NAA25: variants seen among roughly 807,000 people sequenced by gnomAD.
The protein encoded by NAA25 is N-alpha-acetyltransferase 25, NatB auxiliary subunit.
A neutral mutation model predicts 132.5 loss-of-function variants in NAA25; 30 were observed. The observed-to-expected ratio is 0.23, with a 90% CI of 0.17 to 0.31. The LOEUF (loss-of-function observed/expected upper bound fraction) is 0.31. Among genes scored for constraint, NAA25 ranks in the 10% least tolerant of loss-of-function variants. NAA25 has a pLI of 1.00. For missense variants in NAA25, 771 were observed against 1,150.4 expected, an observed-to-expected ratio of 0.67 and a Z score of 4.77; for synonymous variants, 359 against 401.9, an observed-to-expected ratio of 0.89 and a Z score of 1.28.
intron 19 of NAA25, 126 bp downstream of exon 19, chr12:112,042,962 C>CA: frequency 1.2e-6 from 1 of 845,798 alleles, no homozygotes. Flanking sequence ...CTACACCACA[C>CA]ATTTGCAGAA....
At chr12:112,073,863 A>C (rs549265403) in intron 9 of NAA25, among the ~76,000 whole-genome samples, 12 of 152,322 alleles carry the variant, frequency 7.9e-5, no homozygotes, top group African/African-American at 2.6e-4. Context: ...TATCATCAAT[A>C]GGGAAAATGC....
chr12:112,054,550 C>T lies in NAA25; in HGVS notation c.1466G>A (p.Trp489Ter). The change falls in exon 14 of 24, where the codon TGG becomes TAG. Residue 489 changes from tryptophan to a stop codon, truncating the protein, a stop_gained. Transcript: ENST00000261745. LOFTEE classifies it high-confidence loss of function. Reference sequence around the variant, plus strand: ...CTCTTCCAGCAAAGTCAGGGCCTGCCACACAGTGGTCTCATCACCTAGAAC... The same window carrying T: ...CTCTTCCAGCAAAGTCAGGGCCTGCTACACAGTGGTCTCATCACCTAGAAC... ...WRETGDETTV[W>*]QALTLLEEGL... The T allele has an allele frequency of 6.2e-7, 1 of 1,613,756 alleles. No homozygotes were observed. The highest frequency in any genetic ancestry group is 1.1e-5 in the South Asian group (1 of 91,034).
chr12:112,038,857 T>C (rs1452243149), intron 22 of NAA25, among the ~76,000 whole-genome samples: 1 of 152,086 alleles, frequency 6.6e-6, no homozygotes, highest in Non-Finnish European at 1.5e-5. Context: ...CAGGCGCCTG[T>C]AATCCCAGCT....
Position 112,029,579 on chromosome 12 carries a change from C to G in NAA25, c.2871G>C (p.Gly957=). The change falls in exon 24 of 24, where the codon GGG becomes GGC. Residue 957 remains glycine (G), a synonymous_variant. Transcript: ENST00000261745. ...TCTCAAGTCTTTTTTTCAGCAGCTC[C>G]CCCATTTCCAGAAGTGAGTGCAGAT... ...SSYLHSLLEM[G]ELLKKRLETT... 1 of 1,613,904 alleles carries G rather than the reference C, an allele frequency of 6.2e-7. No individual in the cohort carries two copies. Among genetic ancestry groups the G allele is most frequent in the Non-Finnish European group, 8.5e-7 (1 of 1,179,946 alleles).
chr12:112,100,375 A>G (rs1420373806), intron 1 of NAA25, among the ~76,000 whole-genome samples: 1 of 151,916 alleles, frequency 6.6e-6, no homozygotes, highest in East Asian at 1.9e-4. Context: ...GTTGGCCAGG[A>G]TGGTCTCGAT....
Position 112,029,632 on chromosome 12 carries a change from T to C in NAA25, c.2818A>G (p.Thr940Ala). 1 of 1,613,446 alleles carries C rather than the reference T, an allele frequency of 6.2e-7. No homozygotes were observed. The highest frequency in any genetic ancestry group is 8.5e-7 in the Non-Finnish European group (1 of 1,179,846). The change falls in exon 24 of 24, where the codon ACT becomes GCT. Residue 940 changes from threonine to alanine, a missense_variant. Transcript: ENST00000261745. ...LSPEERKFSK[T>A]VQGKVQSSYL... ...CTGCTCTGCACCTTCCCTTGCACAG[T>C]CTTTGAAAATTTTCTCTCTTCCTAT... is the stretch of plus-strand genomic sequence containing the variant.
intron 13 of NAA25, among the ~76,000 whole-genome samples, chr12:112,059,449 CAG>C (rs2078593801): frequency 6.6e-6 from 1 of 152,164 alleles, no homozygotes; most frequent in Non-Finnish European, 1.5e-5. Context: ...GAGAAAATGT[CAG>C]GGGGTGGGAC....
Position 112,100,182 on chromosome 12 carries a change from T to C in NAA25, c.59-7046A>G, listed in dbSNP as rs1172204489. Among the ~76,000 whole-genome samples the C allele has an allele frequency of 2.0e-5, 3 of 152,294 alleles. No homozygotes were observed. In the East Asian group the frequency reaches 5.8e-4, roughly 30 times the overall value. On this transcript the variant is annotated intron_variant, in intron 1 of 23. Transcript: ENST00000261745. Reference sequence around the variant, plus strand: ...TCTACATTTGCCTCCTATTTATTTATGACAGAGTCTTGCTCTGTCACCAGG... The same window carrying C: ...TCTACATTTGCCTCCTATTTATTTACGACAGAGTCTTGCTCTGTCACCAGG...
chr12:112,033,224 A>G lies in NAA25; in HGVS notation c.2796+9T>C, dbSNP rs201405850. 50 of 1,600,554 alleles carry G rather than the reference A, an allele frequency of 3.1e-5. No homozygotes were observed. The Admixed American group carries it at 7.0e-4, about 22-fold the overall frequency. The stretch of plus-strand genomic sequence containing the variant: ...TAGAAAACATTGCCGATTGCCTACA[A>G]TCTCTTACCGGTGAGAGAGAAGTGT... On this transcript the variant is annotated intron_variant, in intron 23 of 23. Coordinates refer to ENST00000261745, the MANE Select transcript of NAA25 (RefSeq NM_024953.4).
chr12:112,062,777 G>A (rs1028619850), intron 11 of NAA25, among the ~76,000 whole-genome samples: 5 of 151,780 alleles, frequency 3.3e-5, no homozygotes, highest in Non-Finnish European at 5.9e-5. Flanking sequence ...TGAAGAGGCC[G>A]GGAGCAGTGA....
intron 20 of NAA25, among the ~76,000 whole-genome samples, chr12:112,041,590 A>G (rs1052527112): frequency 3.3e-5 from 5 of 152,156 alleles, no homozygotes; most frequent in African/African-American, 1.2e-4. Context: ...AATTCTTGGG[A>G]ATTTAATCCC....
intron 10 of NAA25, among the ~76,000 whole-genome samples, chr12:112,070,112 A>AG (rs891941163): frequency 2.6e-5 from 4 of 152,332 alleles, no homozygotes; most frequent in Admixed American, 6.5e-5. Flanking sequence ...TGGGCAACAG[A>AG]GGGAGACACT....
chr12:112,098,046 G>A (rs182560386), intron 1 of NAA25, among the ~76,000 whole-genome samples: 11 of 150,382 alleles, frequency 7.3e-5, no homozygotes, highest in African/African-American at 2.0e-4. Flanking sequence ...ACTTGAACCC[G>A]GGAGGCGGAG....
intron 17 of NAA25, 69 bp from the exon 18 acceptor site, chr12:112,043,937 T>C (rs1391009727): frequency 1.3e-6 from 2 of 1,527,884 alleles, no homozygotes; most frequent in Non-Finnish European, 1.8e-6. Context: ...AATTTTTTTT[T>C]TTTTTTTTGA....
chr12:112,079,464 G>A lies in NAA25; in HGVS notation c.478-723C>T, dbSNP rs77711820. 0.055 allele frequency among the ~76,000 whole-genome samples: 8,403 copies of A among 152,010 alleles called. 1,286 individuals carry two copies. In the East Asian group the frequency reaches 0.61, roughly 11 times the overall value. On this transcript the variant is annotated intron_variant, in intron 5 of 23. Transcript: ENST00000261745. ...AAATTAGCTAGGTGTGTGTGGTGGT[G>A]CATGCTTATAATCCTAGCTACTTGG...
intron 10 of NAA25, among the ~76,000 whole-genome samples, chr12:112,070,866 C>A (rs937418350): frequency 6.6e-6 from 1 of 152,224 alleles, no homozygotes; most frequent in Non-Finnish European, 1.5e-5. Context: ...CCTGCCTCAG[C>A]CTCCCAAGTA....
intron 11 of NAA25, among the ~76,000 whole-genome samples, chr12:112,062,457 G>C (rs911595034): frequency 2.0e-5 from 3 of 151,496 alleles, no homozygotes; most frequent in African/African-American, 7.3e-5. Flanking sequence ...GTGCGCGGTG[G>C]CTCACGCCTA....
chr12:112,086,097 CACACA>C lies in NAA25; in HGVS notation c.402+1581_402+1585del, dbSNP rs1566027577. On this transcript the variant is annotated intron_variant, in intron 4 of 23. Transcript: ENST00000261745. ...ATACACACACACACACACACACACA[CACACA>C]CCCATAACCATTTTACATTTTTAAA... is the stretch of plus-strand genomic sequence containing the variant. Among the ~76,000 whole-genome samples, 621 of 128,610 alleles carry C rather than the reference CACACA, an allele frequency of 4.8e-3. 16 individuals carry two copies. Among genetic ancestry groups the C allele is most frequent in the African/African-American group, 0.018 (594 of 32,352 alleles). The allele number at this position is 128,610 out of a possible 152,430, so 84.4% of individuals were successfully genotyped here. A position where few individuals can be genotyped will look rare whatever the true frequency, so the allele number is the denominator to read the frequency against.
chr12:112,048,715 A>G (rs1268528539), intron 15 of NAA25, among the ~76,000 whole-genome samples: 2 of 152,168 alleles, frequency 1.3e-5, no homozygotes, highest in African/African-American at 4.8e-5. Context: ...ATGTCTTTCA[A>G]TTCAATAGGA....
Sources: gnomAD v4.1 joint callset for allele counts (sites outside exome capture counted in the v4.1 genomes callset) on GRCh38, gnomAD v4.1.1 for gene constraint, MANE v1.5 for transcripts, NCBI Gene and HGNC (gene_info 2026-07-23, HGNC 2026-07-21) for gene names.